The following SYBU variants were observed in gnomAD, a reference collection of about 807,000 sequenced individuals.
SYBU encodes the protein GOLSYN A protein.
Under a neutral mutation model 35.9 loss-of-function variants are expected in SYBU, and 21 were observed. The ratio of observed to expected loss-of-function variants is 0.58; its 90% confidence interval spans 0.41 to 0.84. The LOEUF (loss-of-function observed/expected upper bound fraction) is 0.84. SYBU is among the 40% of genes least tolerant of loss of function. The pLI is 0.00. For missense variants in SYBU, 768 were observed against 848.2 expected (o/e 0.91, Z 1.17); for synonymous variants, 319 against 324.3 (o/e 0.98, Z 0.18).
chr8:109,628,929 G>C (rs539017026), intron 2 of SYBU, among the ~76,000 whole-genome samples: 10 of 152,194 alleles, frequency 6.6e-5, no homozygotes, highest in African/African-American at 2.4e-4. Context: ...GTCATAGAAG[G>C]CTCCTGAAGA....
rs199845687 is a variant in SYBU at position 109,575,865 on chromosome 8, G to A, written c.1033C>T (p.Arg345Trp). 2,282 of 1,613,844 alleles carry A rather than the reference G, an allele frequency of 1.4e-3. 1 individual carries two copies. The highest frequency in any genetic ancestry group is 1.8e-3 in the Non-Finnish European group (2,079 of 1,179,978). The stretch of plus-strand genomic sequence containing the variant: ...TTATCTTTATCAGCCAAGCTGCTCC[G>A]CATGGTTTCGATGACCTGTTTGAGC... ...KQLKQVIETM[R>W]SSLADKDKGI... Residue 345 changes from arginine to tryptophan, a missense_variant, in exon 7 of 7, where the codon CGG becomes TGG. Arg to Trp is a moderately radical substitution (Grantham distance 101, BLOSUM62 -3). Transcript: ENST00000276646.
intron 3 of SYBU, among the ~76,000 whole-genome samples, chr8:109,614,752 A>C (rs1228855840): frequency 2.0e-5 from 3 of 152,246 alleles, no homozygotes; most frequent in African/African-American, 7.2e-5. Flanking sequence ...GAAAACACAA[A>C]GCCACCATCC....
chr8:109,646,285 C>T (rs137875078), upstream of SYBU: 1 of 152,222 alleles, frequency 6.6e-6, no homozygotes, highest in Non-Finnish European at 1.5e-5. Flanking sequence ...TCCTCGAAAA[C>T]TGAGGGTCAT....
intron 3 of SYBU, among the ~76,000 whole-genome samples, chr8:109,607,571 A>G (rs1225310999): frequency 6.6e-6 from 1 of 152,208 alleles, no homozygotes; most frequent in African/African-American, 2.4e-5. Flanking sequence ...CAAATGCAAC[A>G]TGCAATGCTC....
intron 3 of SYBU, among the ~76,000 whole-genome samples, chr8:109,610,597 G>T (rs1017615296): frequency 2.0e-5 from 3 of 152,194 alleles, no homozygotes; most frequent in Non-Finnish European, 2.9e-5. Flanking sequence ...TTACTTGGCT[G>T]CTCTTAGATA....
chr8:109,675,481 A>G (rs748143656), intron 1 of SYBU, among the ~76,000 whole-genome samples: 1 of 152,238 alleles, frequency 6.6e-6, no homozygotes, highest in Non-Finnish European at 1.5e-5. Context: ...ACAGAATTAC[A>G]GACTACCATC....
chr8:109,585,331 C>T (rs1446795558), intron 4 of SYBU, among the ~76,000 whole-genome samples: 1 of 152,216 alleles, frequency 6.6e-6, no homozygotes, highest in Non-Finnish European at 1.5e-5. Flanking sequence ...TGCTATGCTC[C>T]ATGCTCTGAC....
chr8:109,591,256 A>C (rs2129827779), intron 3 of SYBU, among the ~76,000 whole-genome samples: 1 of 152,308 alleles, frequency 6.6e-6, no homozygotes, highest in African/African-American at 2.4e-5. Flanking sequence ...TTTTTTGTGA[A>C]TAAATCTTTA....
At chr8:109,597,285 T>C (rs1824990563) in intron 3 of SYBU, among the ~76,000 whole-genome samples, 1 of 152,216 alleles carries the variant, frequency 6.6e-6, no homozygotes, top group Non-Finnish European at 1.5e-5. Context: ...AAAGCTTCCC[T>C]GACGGTATGT....
At chr8:109,636,815 T>C (rs1814281993) in intron 2 of SYBU, among the ~76,000 whole-genome samples, 1 of 152,214 alleles carries the variant, frequency 6.6e-6, no homozygotes, top group Non-Finnish European at 1.5e-5. Flanking sequence ...TGCTACCATC[T>C]GAACACAAGT....
chr8:109,582,352 A>C (rs1823128756), intron 4 of SYBU, among the ~76,000 whole-genome samples: 1 of 152,212 alleles, frequency 6.6e-6, no homozygotes, highest in Admixed American at 6.5e-5. Flanking sequence ...GTGCAAACTC[A>C]TTATAGGCAT....
intron 1 of SYBU, among the ~76,000 whole-genome samples, chr8:109,654,279 T>C (rs1816270772): frequency 6.6e-6 from 1 of 152,220 alleles, no homozygotes; most frequent in Non-Finnish European, 1.5e-5. Context: ...TCCACTCATG[T>C]ACTCACAGCT....
intron 3 of SYBU, among the ~76,000 whole-genome samples, chr8:109,608,627 C>G (rs1168327965): frequency 6.6e-6 from 1 of 152,126 alleles, no homozygotes; most frequent in Non-Finnish European, 1.5e-5. Flanking sequence ...AAGCTTCCAC[C>G]AAAGCTCTCC....
intron 3 of SYBU, among the ~76,000 whole-genome samples, chr8:109,615,659 A>G (rs1174685026): frequency 6.6e-6 from 1 of 152,192 alleles, no homozygotes; most frequent in Non-Finnish European, 1.5e-5. Flanking sequence ...AAATAAAAAG[A>G]TCACCAGCTA....
Position 109,584,579 on chromosome 8 carries a change from C to T in SYBU, c.530+1481G>A, listed in dbSNP as rs1427922265. 6.6e-6 allele frequency among the ~76,000 whole-genome samples: 1 copy of T among 152,098 alleles called. No individual in the cohort carries two copies. The highest frequency in any genetic ancestry group is 1.5e-5 in the Non-Finnish European group (1 of 68,014). ...TTCATGTCCTATAATCCCAGAGGCA[C>T]TTTATTGCCAAAATGGTGGTGGTGG... On this transcript the variant is annotated intron_variant, in intron 4 of 6. Transcript: ENST00000276646. The surrounding 1 kb of genome is among the most constrained non-coding windows in gnomAD (Gnocchi z 4.0).
intron 3 of SYBU, among the ~76,000 whole-genome samples, chr8:109,605,186 A>G (rs1023460140): frequency 2.6e-5 from 4 of 152,240 alleles, no homozygotes; most frequent in Non-Finnish European, 4.4e-5. Context: ...GAGCATGTGC[A>G]TGTGTGACTA....
At chr8:109,580,862 C>T (rs772671613) in intron 4 of SYBU, 3 of 152,430 alleles carry the variant, frequency 2.0e-5, no homozygotes, top group Non-Finnish European at 4.4e-5. Flanking sequence ...TGTACTACAG[C>T]ATTCCAAATC....
chr8:109,614,313 G>A (rs972781289), intron 3 of SYBU, among the ~76,000 whole-genome samples: 4 of 152,216 alleles, frequency 2.6e-5, no homozygotes, highest in Non-Finnish European at 1.5e-5. Flanking sequence ...GTCATTTAAT[G>A]TTCTAAGGAA....
At chr8:109,657,039 A>T (rs545722091) in intron 1 of SYBU, among the ~76,000 whole-genome samples, 30 of 152,304 alleles carry the variant, frequency 2.0e-4, no homozygotes, top group Admixed American at 5.9e-4. Context: ...ATACAGGACA[A>T]GATACAGGTG....
Sources: allele counts gnomAD v4.1 joint callset (sites outside exome capture counted in the v4.1 genomes callset), GRCh38; gene constraint gnomAD v4.1.1; non-coding constraint Gnocchi (gnomAD v3.1); transcripts MANE v1.5; gene names NCBI Gene and HGNC (gene_info 2026-07-23, HGNC 2026-07-21).